Variants in SPACA9 observed in about 807,000 individuals in gnomAD.
SPACA9 encodes sperm acrosome associated 9.
SPACA9 carries 14 observed loss-of-function variants against 12.5 expected under a neutral mutation model. The observed-to-expected ratio is 1.12, with a 90% CI of 0.74 to 1.75. The LOEUF (loss-of-function observed/expected upper bound fraction) is 1.75. Ranked by LOEUF, SPACA9 falls within the 40% of genes most tolerant of loss-of-function variation. SPACA9 has a pLI of 0.00. For missense variants in SPACA9, 292 were observed against 291.9 expected (o/e 1.00, Z 0.00); for synonymous variants, 111 against 114.1 (o/e 0.97, Z 0.17).
intron 2 of SPACA9, among the ~76,000 whole-genome samples, chr9:132,885,646 G>A (rs1276445053): frequency 2.0e-5 from 3 of 152,000 alleles, no homozygotes; most frequent in Non-Finnish European, 4.4e-5. Flanking sequence ...CTGAGCTATT[G>A]GAAAATAAAC....
intron 1 of SPACA9, among the ~76,000 whole-genome samples, chr9:132,879,688 C>G (rs1264031968): frequency 6.6e-6 from 1 of 152,208 alleles, no homozygotes; most frequent in East Asian, 1.9e-4. Context: ...TTGGGTGAGT[C>G]ACTTCCCCTT....
chr9:132,888,177 C>T lies in SPACA9; in HGVS notation c.348-113C>T. On this transcript the variant is annotated intron_variant, in intron 3 of 3. Coordinates refer to ENST00000356311, the MANE Select transcript of SPACA9 (RefSeq NM_001316897.2). The surrounding 1 kb of genome is among the most constrained non-coding windows in gnomAD (Gnocchi z 5.0). ...AGAGCGCCTCAGCGTGCTGTGTGTC[C>T]AGTTCTAAAGCCTCCCCAGGTGACT... 2 of 1,498,894 alleles carry T rather than the reference C, an allele frequency of 1.3e-6. No homozygotes were observed. The highest frequency in any genetic ancestry group is 1.4e-5 in the African/African-American group (1 of 71,422). 92.8% of individuals were successfully genotyped at this position (1,498,894 alleles called of 1,614,324 possible).
chr9:132,887,447 GAGC>G lies in SPACA9; in HGVS notation c.224_226del (p.Glu75_Leu76delinsVal). 2 of 1,613,616 alleles carry G rather than the reference GAGC, an allele frequency of 1.2e-6. No homozygotes were observed. Among genetic ancestry groups the G allele is most frequent in the Non-Finnish European group, 1.7e-6 (2 of 1,180,020 alleles). On this transcript the variant is annotated inframe_deletion, in exon 3 of 4. Transcript: ENST00000356311. This position sits in a 1 kb window ranked among gnomAD's most constrained non-coding sequence, Gnocchi z 5.4. Reference sequence around the variant, plus strand: ...GCTCATGTTCCTGGACATCTGTTCAGAGCTGAATAAGCTCTGCCAGCACTTTGA... The same window carrying G: ...GCTCATGTTCCTGGACATCTGTTCAGTGAATAAGCTCTGCCAGCACTTTGA...
chr9:132,890,025 A>C lies in SPACA9; in HGVS notation c.*1414A>C. ...GACAGTCAAGAATAAAAAGTATTCT[A>C]CCACCTCTCTGCCTGACTTGGTTTC... On this transcript the variant is annotated 3_prime_UTR_variant, in exon 4 of 4. Transcript: ENST00000356311. The C allele has an allele frequency of 7.0e-7, 1 of 1,425,858 alleles. No individual in the cohort carries two copies. The highest frequency in any genetic ancestry group is 9.3e-7 in the Non-Finnish European group (1 of 1,078,426). The allele number at this position is 1,425,858 out of a possible 1,614,324, so 88.3% of individuals were successfully genotyped here. A position where few individuals can be genotyped will look rare whatever the true frequency, so the allele number is the denominator to read the frequency against.
intron 1 of SPACA9, among the ~76,000 whole-genome samples, chr9:132,883,227 C>G (rs1564456988): frequency 6.6e-6 from 1 of 152,214 alleles, no homozygotes; most frequent in Non-Finnish European, 1.5e-5. Context: ...GGGCAGTCCA[C>G]TAGCCACCAG....
In SPACA9 at chr9:132,883,923, C is replaced by T. The variant is rs1251109134; in HGVS notation, c.-25C>T. 1 of 1,613,042 alleles carries T rather than the reference C, an allele frequency of 6.2e-7. No homozygotes were observed. The highest frequency in any genetic ancestry group is 1.3e-5 in the African/African-American group (1 of 74,930). ...TGTCTCCCCATAGATTCCTCTTCTCCTGTAAATGACCACAGAGGAAGACAA... is the reference window on the plus strand; with the variant it reads ...TGTCTCCCCATAGATTCCTCTTCTCTTGTAAATGACCACAGAGGAAGACAA... On this transcript the variant is annotated 5_prime_UTR_variant, in exon 2 of 4. Transcript: ENST00000356311.
chr9:132,880,812 G>A (rs1844396505), intron 1 of SPACA9, among the ~76,000 whole-genome samples: 1 of 151,634 alleles, frequency 6.6e-6, no homozygotes, highest in Non-Finnish European at 1.5e-5. Context: ...GTATGGCAAG[G>A]TGCAGCTATC....
At position 132,889,616 on chromosome 9, in the gene SPACA9, C is replaced by A; in HGVS notation, c.*1005C>A. The A allele has an allele frequency of 2.1e-6, 1 of 470,288 alleles. No homozygotes were observed. The highest frequency in any genetic ancestry group is 2.8e-6 in the Non-Finnish European group (1 of 358,086). 29.1% of individuals were successfully genotyped at this position (470,288 alleles called of 1,614,324 possible). On this transcript the variant is annotated 3_prime_UTR_variant, in exon 4 of 4. Coordinates refer to ENST00000356311, the MANE Select transcript of SPACA9 (RefSeq NM_001316897.2). ...TTTTAGTAGAGACGGGGCTTCACCA[C>A]GTTGGCCAGGCTGGTCTTGAACTCC... is the stretch of plus-strand genomic sequence containing the variant.
At chr9:132,883,284 A>G (rs931347858) in intron 1 of SPACA9, among the ~76,000 whole-genome samples, 4 of 152,228 alleles carry the variant, frequency 2.6e-5, no homozygotes, top group African/African-American at 9.6e-5. Context: ...TCCTGCCCCC[A>G]GCCCAGAGCA....
intron 1 of SPACA9, among the ~76,000 whole-genome samples, chr9:132,879,864 G>A (rs1844342457): frequency 1.3e-5 from 2 of 152,334 alleles, no homozygotes; most frequent in South Asian, 4.1e-4. Flanking sequence ...GCAGAGCCAG[G>A]GCATGAACTC....
At position 132,887,680 on chromosome 9, in the gene SPACA9, G is replaced by A. The variant is rs959888053; in HGVS notation, c.347+109G>A. 1.0e-4 allele frequency: 88 copies of A among 883,582 alleles called. No individual in the cohort carries two copies. The highest frequency in any genetic ancestry group is 6.6e-5 in the Admixed American group (3 of 45,564). 54.7% of individuals were successfully genotyped at this position (883,582 alleles called of 1,614,324 possible). A position where few individuals can be genotyped will look rare whatever the true frequency, so the allele number is the denominator to read the frequency against. On this transcript the variant is annotated intron_variant, in intron 3 of 3. Transcript: ENST00000356311. The surrounding 1 kb of genome is among the most constrained non-coding windows in gnomAD (Gnocchi z 5.4). ...CATGGTGCTCCTATTAGACCACCCC[G>A]GGCAGGAAATCCCAGTCTCCACTCA...
In SPACA9 at chr9:132,888,504, A is replaced by G; in HGVS notation, c.562A>G (p.Thr188Ala). ...CGCTCGTCCTGCCCAGGCCATAGGG[A>G]CCCAGCCCAGGGCCACTAAACACAA... ...GAARPAQAIG[T>A]QPRATKHKCR... Residue 188 changes from threonine to alanine, a missense_variant, in exon 4 of 4, where the codon ACC (threonine) becomes GCC (alanine). By Grantham distance (58) the Thr-to-Ala change is moderately conservative. Coordinates refer to ENST00000356311, the MANE Select transcript of SPACA9 (RefSeq NM_001316897.2). The surrounding 1 kb of genome is among the most constrained non-coding windows in gnomAD (Gnocchi z 5.0). 1 of 1,594,474 alleles carries G rather than the reference A, an allele frequency of 6.3e-7. No homozygotes were observed. Among genetic ancestry groups the G allele is most frequent in the Non-Finnish European group, 8.5e-7 (1 of 1,171,168 alleles).
upstream of SPACA9, chr9:132,878,458 G>C (rs983947516): frequency 2.0e-5 from 25 of 1,223,108 alleles, no homozygotes; most frequent in Non-Finnish European, 2.4e-5. This position sits in a 1 kb window ranked among gnomAD's most constrained non-coding sequence, Gnocchi z 4.7. Context: ...CCCCAACCCC[G>C]GCCTCGCTTT....
chr9:132,888,859 C>G lies in SPACA9; in HGVS notation c.*248C>G. ...CTCGGCTCACTGCAACCTCCGCCTC[C>G]CAGGTTCACGCCATTCTCCTGCCTC... On this transcript the variant is annotated 3_prime_UTR_variant, in exon 4 of 4. Transcript: ENST00000356311. This position sits in a 1 kb window ranked among gnomAD's most constrained non-coding sequence, Gnocchi z 5.0. 2 of 863,716 alleles carry G rather than the reference C, an allele frequency of 2.3e-6. No individual in the cohort carries two copies. Among genetic ancestry groups the G allele is most frequent in the South Asian group, 4.8e-5 (2 of 41,460 alleles). The allele number at this position is 863,716 out of a possible 1,614,324, so 53.5% of individuals were successfully genotyped here.
rs1844417878 is a variant in SPACA9, at chr9:132,881,269, AAAGAAAAAAAAAAAAGAAAAAAAAG to A, written c.-38+2271_-38+2295del. On this transcript the variant is annotated intron_variant, in intron 1 of 3. Coordinates refer to ENST00000356311, the MANE Select transcript of SPACA9 (RefSeq NM_001316897.2). ...AGGGAGACCCCATCTCTACAAAAAA[AAAGAAAAAAAAAAAAGAAAAAAAAG>A]AAGAAAAAAAAAAAAAGAAAAAAGG... 1.1e-4 allele frequency among the ~76,000 whole-genome samples: 15 copies of A among 130,904 alleles called. No homozygotes were observed. The South Asian group carries it at 1.3e-3, about 11-fold the overall frequency. The allele number at this position is 130,904 out of a possible 152,430, so 85.9% of individuals were successfully genotyped here. A position where few individuals can be genotyped will look rare whatever the true frequency, so the allele number is the denominator to read the frequency against.
intron 2 of SPACA9, among the ~76,000 whole-genome samples, chr9:132,885,073 A>C (rs1246657430): frequency 6.6e-6 from 1 of 152,100 alleles, no homozygotes; most frequent in Non-Finnish European, 1.5e-5. Flanking sequence ...ATATTGCGCC[A>C]CTGTACTCCA....
chr9:132,883,581 T>TGC (rs1349677796), intron 1 of SPACA9, among the ~76,000 whole-genome samples: 2 of 152,066 alleles, frequency 1.3e-5, no homozygotes, highest in African/African-American at 4.8e-5. Context: ...CGTGTGTGTG[T>TGC]GCGCGCGTGT....
intron 2 of SPACA9, among the ~76,000 whole-genome samples, chr9:132,885,979 A>G (rs1422277224): frequency 6.6e-6 from 1 of 151,980 alleles, no homozygotes; most frequent in Non-Finnish European, 1.5e-5. Context: ...CGACCCCTAC[A>G]GGTGCCTTTG....
intron 1 of SPACA9, among the ~76,000 whole-genome samples, chr9:132,882,860 C>T (rs763332221): frequency 6.6e-6 from 1 of 152,068 alleles, no homozygotes; most frequent in Non-Finnish European, 1.5e-5. Flanking sequence ...GCTGGTTAGA[C>T]GTAAGGAAGC....
Sources: allele counts gnomAD v4.1 joint callset (sites outside exome capture counted in the v4.1 genomes callset), GRCh38; gene constraint gnomAD v4.1.1; non-coding constraint Gnocchi (gnomAD v3.1); transcripts MANE v1.5; gene names NCBI Gene and HGNC (gene_info 2026-07-23, HGNC 2026-07-21).